MMP26: variants seen among roughly 807,000 people sequenced by gnomAD.
MMP26 encodes matrix metalloproteinase-26.
A neutral mutation model predicts 31.0 loss-of-function variants in MMP26; 33 were observed. The observed-to-expected ratio is 1.06, with a 90% CI of 0.81 to 1.42. The LOEUF (loss-of-function observed/expected upper bound fraction) is 1.42. Among genes scored for constraint, MMP26 ranks in the 40% most tolerant of loss-of-function variants. MMP26 has a pLI of 0.00. For missense variants in MMP26, 347 were observed against 316.1 expected, an observed-to-expected ratio of 1.10 and a Z score of -0.74; for synonymous variants, 122 against 114.9, an observed-to-expected ratio of 1.06 and a Z score of -0.40.
chr11:4,965,986 C>T (rs1226769087), intron 2 of MMP26, among the ~76,000 whole-genome samples: 1 of 152,048 alleles, frequency 6.6e-6, no homozygotes, highest in African/African-American at 2.4e-5. Flanking sequence ...ATTTTTTATA[C>T]CGTTTAAGCA....
intron 2 of MMP26, among the ~76,000 whole-genome samples, chr11:4,837,387 T>G (rs1280082774): frequency 6.6e-6 from 1 of 152,116 alleles, no homozygotes; most frequent in East Asian, 1.9e-4. Context: ...ATTTTTTAAA[T>G]TTTTTGAAGA....
intron 1 of MMP26, among the ~76,000 whole-genome samples, chr11:4,715,025 A>G (rs1478193419): frequency 6.6e-6 from 1 of 152,032 alleles, no homozygotes; most frequent in African/African-American, 2.4e-5. Context: ...ATATAATTTT[A>G]GGCAACACAG....
intron 2 of MMP26, among the ~76,000 whole-genome samples, chr11:4,905,886 T>C (rs1435400587): frequency 6.6e-6 from 1 of 152,132 alleles, no homozygotes; most frequent in Non-Finnish European, 1.5e-5. Flanking sequence ...TAAAATCAGG[T>C]TCTGTTTATT....
chr11:4,807,839 CTG>C (rs775342085), intron 2 of MMP26, among the ~76,000 whole-genome samples: 7 of 152,108 alleles, frequency 4.6e-5, no homozygotes, highest in Non-Finnish European at 1.0e-4. Context: ...TGCTTTCACT[CTG>C]TTGTCCAGGC....
chr11:4,798,721 G>A (rs182788244), intron 2 of MMP26, among the ~76,000 whole-genome samples: 1 of 152,356 alleles, frequency 6.6e-6, no homozygotes. Flanking sequence ...GGAGCACAGA[G>A]ATGGGTTCTA....
rs973651894 is a variant in MMP26, at chr11:4,769,509, T to C, written c.-145+2168T>C. The C allele has an allele frequency of 6.4e-5, 103 of 1,613,822 alleles. No individual in the cohort carries two copies. Among genetic ancestry groups the C allele is most frequent in the Non-Finnish European group, 8.2e-5 (97 of 1,179,876 alleles). ...TGAATGATTCTGGAATTAGTGAGAATGGTAGTGTACCTCAGAGGGTCACAG... is the reference window on the plus strand; with the variant it reads ...TGAATGATTCTGGAATTAGTGAGAACGGTAGTGTACCTCAGAGGGTCACAG... On this transcript the variant is annotated intron_variant, in intron 2 of 7. Transcript: ENST00000380390.
rs555489129 is a variant in MMP26, at chr11:4,764,735, C to T, written c.-216-2535C>T. Among the ~76,000 whole-genome samples the T allele has an allele frequency of 1.4e-4, 22 of 152,064 alleles. No homozygotes were observed. The South Asian group carries it at 2.9e-3, about 20-fold the overall frequency. ...AAAAATACAAAAAATTAGCTGGGCG[C>T]GGTGGCGGGCGCCTGTAGTCCCAGC... On this transcript the variant is annotated intron_variant, in intron 1 of 7. Transcript: ENST00000380390.
At chr11:4,915,116 T>C in intron 2 of MMP26, 1 of 1,613,828 alleles carries the variant, frequency 6.2e-7, no homozygotes, top group Non-Finnish European at 8.5e-7. Context: ...GTGGAGACAA[T>C]AAGAATGTGA....
intron 2 of MMP26, among the ~76,000 whole-genome samples, chr11:4,812,492 G>A (rs1342771078): frequency 6.6e-6 from 1 of 152,068 alleles, no homozygotes; most frequent in Non-Finnish European, 1.5e-5. Flanking sequence ...GGGCTTCAAT[G>A]ATTCAAGGGG....
intron 2 of MMP26, among the ~76,000 whole-genome samples, chr11:4,788,326 G>A (rs1848976555): frequency 6.6e-6 from 1 of 151,802 alleles, no homozygotes; most frequent in South Asian, 2.1e-4. Context: ...CTCCACAGAG[G>A]GAGCTCATGG....
rs910606032 is a variant in MMP26 at position 4,878,963 on chromosome 11, C to T, written c.-144-109105C>T. Among the ~76,000 whole-genome samples the T allele has an allele frequency of 1.2e-4, 19 of 152,154 alleles. No homozygotes were observed. In the South Asian group the frequency reaches 2.9e-3, roughly 23 times the overall value. ...TTCAAGAAACAAAAAGGGCCGGGCG[C>T]GGTGGCTTACACCTGTAATCCCAGC... On this transcript the variant is annotated intron_variant, in intron 2 of 7. Transcript: ENST00000380390.
intron 2 of MMP26, among the ~76,000 whole-genome samples, chr11:4,830,722 C>A (rs138975236): frequency 6.6e-6 from 1 of 152,196 alleles, no homozygotes; most frequent in Non-Finnish European, 1.5e-5. Context: ...TATTCTACAG[C>A]TCTTGAAAGG....
chr11:4,733,247 G>C (rs538944806), intron 1 of MMP26, among the ~76,000 whole-genome samples: 1 of 152,286 alleles, frequency 6.6e-6, no homozygotes, highest in South Asian at 2.1e-4. Context: ...CTTGGAAATT[G>C]CAGCCATCTT....
chr11:4,821,110 A>T (rs1849490571), intron 2 of MMP26, among the ~76,000 whole-genome samples: 1 of 152,088 alleles, frequency 6.6e-6, no homozygotes, highest in Non-Finnish European at 1.5e-5. Flanking sequence ...TTTACTGGGG[A>T]TTTATATTGG....
chr11:4,945,207 G>C (rs552563052), intron 2 of MMP26: 1 of 152,122 alleles, frequency 6.6e-6, no homozygotes, highest in East Asian at 1.9e-4. Flanking sequence ...ACAAACTAGG[G>C]CTAGGTAATC....
intron 2 of MMP26, among the ~76,000 whole-genome samples, chr11:4,904,250 T>G (rs1266146088): frequency 6.6e-6 from 1 of 152,094 alleles, no homozygotes; most frequent in African/African-American, 2.4e-5. Context: ...AGCAAACAAC[T>G]GCTTAAGCAG....
chr11:4,940,135 A>G (rs905028311), intron 2 of MMP26, among the ~76,000 whole-genome samples: 14 of 152,032 alleles, frequency 9.2e-5, no homozygotes, highest in African/African-American at 3.4e-4. Flanking sequence ...AATGATCTAT[A>G]TAGGTTTTCT....
At chr11:4,812,428 A>G (rs1849362401) in intron 2 of MMP26, among the ~76,000 whole-genome samples, 1 of 152,164 alleles carries the variant, frequency 6.6e-6, no homozygotes, top group Non-Finnish European at 1.5e-5. Context: ...CCTAGGGAAG[A>G]CAGACAGCCA....
intron 2 of MMP26, chr11:4,903,812 A>C (rs1275001645): frequency 6.6e-6 from 1 of 152,084 alleles, no homozygotes. Context: ...AAGGTTAAGG[A>C]GCTATAAATC....
Sources: gnomAD v4.1 joint callset for allele counts (sites outside exome capture counted in the v4.1 genomes callset) on GRCh38, gnomAD v4.1.1 for gene constraint, MANE v1.5 for transcripts, NCBI Gene and HGNC (gene_info 2026-07-23, HGNC 2026-07-21) for gene names.